The following NOX5 variants were observed in gnomAD, a reference collection of about 807,000 sequenced individuals.
NOX5 encodes NADPH oxidase, EF-hand calcium binding domain 5.
A neutral mutation model predicts 85.7 loss-of-function variants in NOX5; 76 were observed. That is an observed-to-expected ratio of 0.89 (90% CI 0.74 to 1.07). The LOEUF (loss-of-function observed/expected upper bound fraction) is 1.07, where lower values mean the gene tolerates loss of function less well. Among genes scored for constraint, NOX5 ranks in the 50% least tolerant of loss-of-function variants. The pLI, the probability that NOX5 is intolerant of heterozygous loss-of-function variation, is 0.00. For synonymous variants in NOX5, 405 were observed against 401.4 expected, an observed-to-expected ratio of 1.01 and a Z score of -0.11; for missense variants, 973 against 999.5, an observed-to-expected ratio of 0.97 and a Z score of 0.36.
chr15:69,055,766 C>T lies in NOX5; in HGVS notation c.2166+266C>T, dbSNP rs138192763. On this transcript the variant is annotated intron_variant, in intron 15 of 15. Transcript: ENST00000388866. ...CTCAAAGACCCCTGCAGCCTTGACT[C>T]CCTATGGACCAGTGTCAAAAGGCCT... Among the ~76,000 whole-genome samples, 249 of 152,316 alleles carry T rather than the reference C, an allele frequency of 1.6e-3. 2 individuals carry two copies. Among genetic ancestry groups the T allele is most frequent in the South Asian group, 4.4e-3 (21 of 4,826 alleles).
chr15:69,022,958 G>A (rs1225090837), intron 1 of NOX5: 2 of 511,332 alleles, frequency 3.9e-6, no homozygotes, highest in East Asian at 6.0e-5. Context: ...ACCAGCCTTG[G>A]TATTCCATCT....
chr15:69,047,314 T>C, intron 11 of NOX5, 99 bp from the exon 12 acceptor site: 1 of 1,425,524 alleles, frequency 7.0e-7, no homozygotes, highest in Non-Finnish European at 9.3e-7. Flanking sequence ...TGTCTTTCTA[T>C]ATATAAAGGG....
intron 1 of NOX5, chr15:69,022,124 T>A (rs1168286683): frequency 6.5e-6 from 1 of 153,128 alleles, no homozygotes; most frequent in Non-Finnish European, 1.5e-5. Flanking sequence ...GATCCTGAGA[T>A]TGGAAACTTT....
At position 69,057,902 on chromosome 15, in the gene NOX5, G is replaced by C. The variant is rs1323495425; in HGVS notation, c.*1206G>C. 1 of 152,332 alleles carries C rather than the reference G, an allele frequency of 6.6e-6. No homozygotes were observed. Among genetic ancestry groups the C allele is most frequent in the African/African-American group, 2.4e-5 (1 of 41,442 alleles). The allele number at this position is 152,332 out of a possible 1,614,324, so 9.4% of individuals were successfully genotyped here. A position where few individuals can be genotyped will look rare whatever the true frequency, so the allele number is the denominator to read the frequency against. On this transcript the variant is annotated 3_prime_UTR_variant, in exon 16 of 16. Transcript: ENST00000388866. ...TCTGTTTGCGTCTGTCCCTGTCTGGGCAGGAGGGAACAGCAGAGGCAGCAA... is the reference window on the plus strand; with the variant it reads ...TCTGTTTGCGTCTGTCCCTGTCTGGCCAGGAGGGAACAGCAGAGGCAGCAA...
chr15:69,047,372 T>A, intron 11 of NOX5, 41 bp from the exon 12 acceptor site: 1 of 1,510,380 alleles, frequency 6.6e-7, no homozygotes, highest in Non-Finnish European at 8.8e-7. Context: ...GAGACCAGCG[T>A]CACCCCCCAT....
In NOX5 at chr15:69,033,069, C is replaced by T. The variant is rs1256719345; in HGVS notation, c.647C>T (p.Ala216Val). 3 of 1,540,978 alleles carry T rather than the reference C, an allele frequency of 1.9e-6. 1 individual carries two copies. The change falls in exon 5 of 16, where the codon GCC (alanine) becomes GTC (valine). Residue 216 changes from alanine (A) to valine (V), a missense_variant. Transcript: ENST00000388866. The stretch of plus-strand genomic sequence containing the variant: ...GCTGCCCACTGGCTGACGGCCCCCG[C>T]CCCCCGCCCACGCCCGCGCCGGCCG... ...ISAAHWLTAP[A>V]PRPRPRRPRQ... is the part of the protein sequence containing the mutation.
chr15:69,054,813 T>G (rs765747777), intron 14 of NOX5, among the ~76,000 whole-genome samples: 1 of 152,184 alleles, frequency 6.6e-6, no homozygotes, highest in Non-Finnish European at 1.5e-5. Flanking sequence ...CATGTGTGTG[T>G]GGCTTGTGTC....
intron 1 of NOX5, among the ~76,000 whole-genome samples, chr15:69,016,910 A>G (rs2140242501): frequency 6.6e-6 from 1 of 152,300 alleles, no homozygotes; most frequent in East Asian, 1.9e-4. Flanking sequence ...AGCAAAGGGC[A>G]TTCCAAAGTT....
At chr15:69,045,536 T>TTTC (rs2050653280) in intron 10 of NOX5, among the ~76,000 whole-genome samples, 38 of 94,560 alleles carry the variant, frequency 4.0e-4, no homozygotes, top group African/African-American at 1.8e-3. Context: ...TTCCTTTCTT[T>TTTC]TTTCTTTCTT....
chr15:69,055,940 T>C (rs1680929846), intron 15 of NOX5, among the ~76,000 whole-genome samples: 1 of 152,180 alleles, frequency 6.6e-6, no homozygotes, highest in South Asian at 2.1e-4. Flanking sequence ...AACACTTACT[T>C]GTCAGGGTTT....
At chr15:69,040,837 A>G (rs1245933537) in intron 9 of NOX5, among the ~76,000 whole-genome samples, 1 of 151,826 alleles carries the variant, frequency 6.6e-6, no homozygotes, top group Non-Finnish European at 1.5e-5. Flanking sequence ...GCCACCATGC[A>G]TGGCTAATTT....
chr15:69,060,216 G>A lies in NOX5; in HGVS notation c.*3520G>A, dbSNP rs118165267. On this transcript the variant is annotated 3_prime_UTR_variant, in exon 16 of 16. Transcript: ENST00000388866. The stretch of plus-strand genomic sequence containing the variant: ...CAAGTGCAGGCTATTAATACACTGA[G>A]CTGGGGCATTCGTGGGAGGGGAGGG... 9.0e-3 allele frequency: 1,379 copies of A among 152,390 alleles called. 12 individuals carry two copies. The highest frequency in any genetic ancestry group is 0.024 in the East Asian group (127 of 5,184). The allele number at this position is 152,390 out of a possible 1,614,324, so 9.4% of individuals were successfully genotyped here.
rs1172988505 is a variant in NOX5, at chr15:69,048,012, G to T, written c.1899+101G>T. 3 of 963,800 alleles carry T rather than the reference G, an allele frequency of 3.1e-6. No homozygotes were observed. In the African/African-American group the frequency reaches 4.8e-5, roughly 16 times the overall value. The allele number at this position is 963,800 out of a possible 1,614,324, so 59.7% of individuals were successfully genotyped here. On this transcript the variant is annotated intron_variant, in intron 13 of 15. Coordinates refer to ENST00000388866, the MANE Select transcript of NOX5 (RefSeq NM_024505.4). ...TGTGCAAAGGTGGGAGCGGATAGGT[G>T]ATCCCTAATGGGATCTTTCTTTCCC...
In NOX5 at chr15:69,057,295, C is replaced by T. The variant is rs896355161; in HGVS notation, c.*599C>T. ...CAAGTTAGGTGCAAATATCTCAGCA[C>T]ACCTTGCTACTTGGAGGAGCCTTCT... On this transcript the variant is annotated 3_prime_UTR_variant, in exon 16 of 16. Coordinates refer to ENST00000388866, the MANE Select transcript of NOX5 (RefSeq NM_024505.4). The T allele has an allele frequency of 3.9e-5, 6 of 152,252 alleles. No individual in the cohort carries two copies. Among genetic ancestry groups the T allele is most frequent in the African/African-American group, 1.4e-4 (6 of 41,442 alleles). 9.4% of individuals were successfully genotyped at this position (152,252 alleles called of 1,614,324 possible).
chr15:69,049,192 CTTT>C (rs34467340), intron 14 of NOX5, 134 bp downstream of exon 14: 4,907 of 290,260 alleles, frequency 0.017, no homozygotes, highest in South Asian at 0.028. Context: ...AACCCAGAGT[CTTT>C]TTTTTTTTTT....
Position 69,056,441 on chromosome 15 carries a change from T to C in NOX5, c.2167-124T>C, listed in dbSNP as rs777691045. 7 of 1,240,530 alleles carry C rather than the reference T, an allele frequency of 5.6e-6. No individual in the cohort carries two copies. In the Admixed American group the frequency reaches 1.3e-4, roughly 23 times the overall value. 76.8% of individuals were successfully genotyped at this position (1,240,530 alleles called of 1,614,324 possible). The stretch of plus-strand genomic sequence containing the variant: ...AGCAGCTGTGCCATGCAGCTCCCTG[T>C]GTAAAATGGGAATGCTCATTGCTGC... On this transcript the variant is annotated intron_variant, in intron 15 of 15. Transcript: ENST00000388866.
At chr15:69,040,833 A>G (rs1004479345) in intron 9 of NOX5, among the ~76,000 whole-genome samples, 50 of 152,048 alleles carry the variant, frequency 3.3e-4, no homozygotes, top group African/African-American at 1.2e-3. Context: ...ACGTGCCACC[A>G]TGCATGGCTA....
chr15:69,055,631 C>T (rs1012335301), intron 15 of NOX5, 131 bp downstream of exon 15: 2 of 971,534 alleles, frequency 2.1e-6, no homozygotes, highest in Non-Finnish European at 3.0e-6. Context: ...GAAGGGACCT[C>T]GTGGTGTGAA....
At chr15:69,022,046 G>C (rs1351219149) in intron 1 of NOX5, among the ~76,000 whole-genome samples, 1 of 152,186 alleles carries the variant, frequency 6.6e-6, no homozygotes, top group African/African-American at 2.4e-5. Context: ...GGGTTTGTTT[G>C]GAAGGTCCAG....
Sources: allele counts gnomAD v4.1 joint callset (sites outside exome capture counted in the v4.1 genomes callset), GRCh38; gene constraint gnomAD v4.1.1; transcripts MANE v1.5; gene names NCBI Gene and HGNC (gene_info 2026-07-23, HGNC 2026-07-21).